The following SIDT1 variants were observed in gnomAD, a reference collection of about 807,000 sequenced individuals.
SIDT1 encodes SID1 transmembrane family member 1.
In SIDT1, 101 loss-of-function variants were observed where a neutral mutation model predicts 107.5. The ratio of observed to expected loss-of-function variants is 0.94; its 90% CI spans 0.80 to 1.11. The LOEUF (loss-of-function observed/expected upper bound fraction) is 1.11, where lower values mean the gene tolerates loss of function less well. Ranked by LOEUF, SIDT1 falls within the 50% of genes least tolerant of loss-of-function variation. The pLI is 0.00. For synonymous variants in SIDT1, 395 were observed against 398.2 expected (o/e 0.99, Z 0.10); for missense variants, 1,076 against 1,058.2 (o/e 1.02, Z -0.23).
At position 113,629,406 on chromosome 3, in the gene SIDT1, T is replaced by G. The variant is rs1319714576; in HGVS notation, c.*1698T>G. ...AAACTTTTTGGCAGGGCACAGTGGC[T>G]CACGCCTGTAATCCCAACACTTTGG... On this transcript the variant is annotated 3_prime_UTR_variant, in exon 25 of 25. Coordinates refer to ENST00000264852, the MANE Select transcript of SIDT1 (RefSeq NM_017699.3). 6.6e-6 allele frequency: 1 copy of G among 152,228 alleles called. No individual in the cohort carries two copies. The highest frequency in any genetic ancestry group is 1.5e-5 in the Non-Finnish European group (1 of 68,060). 9.4% of individuals were successfully genotyped at this position (152,228 alleles called of 1,614,324 possible). A position where few individuals can be genotyped will look rare whatever the true frequency, so the allele number is the denominator to read the frequency against.
At chr3:113,589,824 G>C (rs1944014683) in intron 9 of SIDT1, 1 of 152,678 alleles carries the variant, frequency 6.5e-6, no homozygotes, top group Non-Finnish European at 1.5e-5. Context: ...GTGAGCCACT[G>C]CGCCTGGCCA....
At chr3:113,538,818 G>A (rs560179847) in intron 1 of SIDT1, among the ~76,000 whole-genome samples, 1 of 152,130 alleles carries the variant, frequency 6.6e-6, no homozygotes, top group Non-Finnish European at 1.5e-5. Context: ...AAGGGGAAAG[G>A]CATTTCAGAT....
intron 10 of SIDT1, among the ~76,000 whole-genome samples, chr3:113,599,064 G>A (rs1944772441): frequency 6.6e-6 from 1 of 152,236 alleles, no homozygotes; most frequent in African/African-American, 2.4e-5. Flanking sequence ...CGGTGGTTGA[G>A]GCTACAGTGC....
At position 113,545,089 on chromosome 3, in the gene SIDT1, C is replaced by T. The variant is rs967738702; in HGVS notation, c.222+11846C>T. ...GATATTGCGCCATTGCACTCCAGCC[C>T]GGGCGACAGAGCGAGAGACTCTGTT... is the stretch of plus-strand genomic sequence containing the variant. On this transcript the variant is annotated intron_variant, in intron 1 of 24. Coordinates refer to ENST00000264852, the MANE Select transcript of SIDT1 (RefSeq NM_017699.3). Among the ~76,000 whole-genome samples the T allele has an allele frequency of 1.8e-4, 24 of 134,590 alleles. 1 individual carries two copies. Among genetic ancestry groups the T allele is most frequent in the African/African-American group, 6.4e-4 (22 of 34,540 alleles). The allele number at this position is 134,590 out of a possible 152,430, so 88.3% of individuals were successfully genotyped here. A position where few individuals can be genotyped will look rare whatever the true frequency, so the allele number is the denominator to read the frequency against.
intron 18 of SIDT1, 77 bp from the exon 19 acceptor site, chr3:113,612,009 A>T: frequency 2.9e-6 from 3 of 1,042,062 alleles, no homozygotes. Context: ...CTCCTTACAC[A>T]TACAGGAGAG....
chr3:113,619,107 G>A (rs974865857), intron 20 of SIDT1, among the ~76,000 whole-genome samples: 6 of 152,172 alleles, frequency 3.9e-5, no homozygotes, highest in Non-Finnish European at 5.9e-5. Context: ...TTATAGGCGT[G>A]AGCCACCACA....
Position 113,597,446 on chromosome 3 carries a change from G to A in SIDT1, c.1046-4142G>A, listed in dbSNP as rs1025372121. Among the ~76,000 whole-genome samples the A allele has an allele frequency of 6.2e-5, 9 of 145,020 alleles. No individual in the cohort carries two copies. The South Asian group carries it at 8.7e-4, about 14-fold the overall frequency. ...CGGGAGGCAGAGGTTGCAATGAGCC[G>A]AGATCATGCCACTGCACTCCAGCCT... On this transcript the variant is annotated intron_variant, in intron 10 of 24. Transcript: ENST00000264852.
rs58329399 is a variant in SIDT1 at position 113,582,937 on chromosome 3, A to C, written c.748-472A>C. ...TTCATTCATGGATGAGGAAATGGGC[A>C]CATAGAGAAACATACTTAGAGTAAC... On this transcript the variant is annotated intron_variant, in intron 6 of 24. Coordinates refer to ENST00000264852, the MANE Select transcript of SIDT1 (RefSeq NM_017699.3). Among the ~76,000 whole-genome samples the C allele has an allele frequency of 8.7e-3, 1,330 of 152,302 alleles. 15 individuals carry two copies. Among genetic ancestry groups the C allele is most frequent in the African/African-American group, 0.03 (1,264 of 41,550 alleles).
chr3:113,614,937 C>G, intron 19 of SIDT1: 1 of 969,814 alleles, frequency 1.0e-6, no homozygotes, highest in Non-Finnish European at 1.5e-6. Flanking sequence ...CTTTTATAAT[C>G]AGAAAGCAAA....
chr3:113,619,607 C>A, intron 20 of SIDT1, 73 bp from the exon 21 acceptor site: 1 of 1,324,084 alleles, frequency 7.6e-7, no homozygotes, highest in African/African-American at 1.5e-5. Flanking sequence ...ATAGTTGATA[C>A]TTCTACACAG....
chr3:113,586,936 G>C (rs183841398), intron 9 of SIDT1, among the ~76,000 whole-genome samples: 3 of 152,270 alleles, frequency 2.0e-5, no homozygotes, highest in Admixed American at 6.5e-5. Flanking sequence ...GACAATACCT[G>C]ATCTCAATCA....
At position 113,608,478 on chromosome 3, in the gene SIDT1, G is replaced by C. The variant is rs748383366; in HGVS notation, c.1662G>C (p.Met554Ile). The C allele has an allele frequency of 6.6e-5, 107 of 1,613,986 alleles. No homozygotes were observed. The highest frequency in any genetic ancestry group is 4.9e-4 in the Middle Eastern group (3 of 6,084). Residue 554 changes from methionine (M) to isoleucine (I), a missense_variant, in exon 17 of 25, where the codon ATG (methionine) becomes ATC (isoleucine). Physicochemically the swap from Met to Ile is conservative, Grantham distance 10. Coordinates refer to ENST00000264852, the MANE Select transcript of SIDT1 (RefSeq NM_017699.3). ...LFYAMGIALM[M>I]EGVLSACYHV... ...ACGCTATGGGCATTGCATTGATGATGGAAGGGGTGCTCAGTGCTTGCTACC... is the reference window on the plus strand; with the variant it reads ...ACGCTATGGGCATTGCATTGATGATCGAAGGGGTGCTCAGTGCTTGCTACC...
At chr3:113,547,892 A>G (rs1163591207) in intron 1 of SIDT1, among the ~76,000 whole-genome samples, 2 of 152,162 alleles carry the variant, frequency 1.3e-5, no homozygotes, top group Admixed American at 1.3e-4. Flanking sequence ...TGATTAATTT[A>G]AAGGTGAGGA....
chr3:113,573,492 C>T (rs1204387370), intron 3 of SIDT1, among the ~76,000 whole-genome samples: 1 of 152,094 alleles, frequency 6.6e-6, no homozygotes, highest in Non-Finnish European at 1.5e-5. Flanking sequence ...GTAGACACAG[C>T]CAGAGGTGTG....
At chr3:113,605,122 C>CCATTTTTT in intron 14 of SIDT1, 146 bp downstream of exon 14, 1 of 307,000 alleles carries the variant, frequency 3.3e-6, no homozygotes, top group Non-Finnish European at 5.4e-6. Flanking sequence ...CTATTGCTTC[C>CCATTTTTT]TCTTTTTTTT....
chr3:113,602,955 C>T, intron 11 of SIDT1, 50 bp from the exon 12 acceptor site: 1 of 1,600,448 alleles, frequency 6.2e-7, no homozygotes, highest in Non-Finnish European at 8.5e-7. Context: ...CGAATGGGCT[C>T]CGTAGGCTCT....
At chr3:113,567,831 A>C in intron 3 of SIDT1, 121 bp downstream of exon 3, 1 of 1,045,686 alleles carries the variant, frequency 9.6e-7, no homozygotes, top group South Asian at 1.5e-5. Context: ...ATATGATTTT[A>C]GCACTTCCTG....
intron 1 of SIDT1, among the ~76,000 whole-genome samples, chr3:113,554,029 G>A (rs576337822): frequency 6.6e-6 from 1 of 152,268 alleles, no homozygotes; most frequent in East Asian, 1.9e-4. Flanking sequence ...TCCAGCCTGG[G>A]CAACAAGAGT....
At position 113,558,039 on chromosome 3, in the gene SIDT1, GAGAC is replaced by G. The variant is rs1049150026; in HGVS notation, c.223-8369_223-8366del. Among the ~76,000 whole-genome samples the G allele has an allele frequency of 7.9e-5, 12 of 151,928 alleles. 1 individual carries two copies. The highest frequency in any genetic ancestry group is 6.6e-4 in the Admixed American group (10 of 15,234). On this transcript the variant is annotated intron_variant, in intron 1 of 24. Coordinates refer to ENST00000264852, the MANE Select transcript of SIDT1 (RefSeq NM_017699.3). ...TGCATATGAGAGACAGAAAGAGAGA[GAGAC>G]AGACAGACAGAGAGAGAGGGGGATC...
Sources: allele counts gnomAD v4.1 joint callset (sites outside exome capture counted in the v4.1 genomes callset), GRCh38; gene constraint gnomAD v4.1.1; transcripts MANE v1.5; gene names NCBI Gene and HGNC (gene_info 2026-07-23, HGNC 2026-07-21).